Variants in PITRM1 observed in about 807,000 individuals in gnomAD.
The protein encoded by PITRM1 is pitrilysin metallopeptidase 1, also known as presequence protease, mitochondrial.
A neutral mutation model predicts 129.9 loss-of-function variants in PITRM1; 100 were observed. The ratio of observed to expected loss-of-function variants is 0.77; its 90% CI spans 0.65 to 0.91. The LOEUF is 0.91. Among genes scored for constraint, PITRM1 ranks in the 40% least tolerant of loss-of-function variants. The pLI, the probability that PITRM1 is intolerant of heterozygous loss-of-function variation, is 0.00. For synonymous variants in PITRM1, 591 were observed against 508.8 expected, an observed-to-expected ratio of 1.16 and a Z score of -2.17; for missense variants, 1,471 against 1,318.3, an observed-to-expected ratio of 1.12 and a Z score of -1.79.
intron 15 of PITRM1, among the ~76,000 whole-genome samples, chr10:3,150,822 T>G (rs1841447265): frequency 6.6e-6 from 1 of 152,144 alleles, no homozygotes; most frequent in Non-Finnish European, 1.5e-5. Flanking sequence ...GGTCTCCAAC[T>G]TCCTTTCAAC....
chr10:3,168,609 G>A (rs549624176), intron 2 of PITRM1, among the ~76,000 whole-genome samples: 5 of 147,134 alleles, frequency 3.4e-5, no homozygotes, highest in East Asian at 3.9e-4. Flanking sequence ...TGTTATTCTC[G>A]TGACAGTGAG....
At chr10:3,147,322 T>G in intron 19 of PITRM1, 72 bp from the exon 20 acceptor site, 1 of 1,168,490 alleles carries the variant, frequency 8.6e-7, no homozygotes, top group Non-Finnish European at 1.3e-6. Flanking sequence ...ACCAAGCACC[T>G]GTGACATCAG....
In PITRM1 at chr10:3,146,971, C is replaced by T. The variant is rs1840940699; in HGVS notation, c.2336+179G>A. 1.1e-5 allele frequency: 5 copies of T among 438,976 alleles called. 1 individual carries two copies. Among genetic ancestry groups the T allele is most frequent in the African/African-American group, 1.0e-4 (5 of 49,390 alleles). The allele number at this position is 438,976 out of a possible 1,614,324, so 27.2% of individuals were successfully genotyped here. On this transcript the variant is annotated intron_variant, in intron 20 of 26. Coordinates refer to ENST00000224949, the MANE Select transcript of PITRM1 (RefSeq NM_014889.4). ...ATTAGCCTGCTTTCTTCCCCATCTC[C>T]TACAACTTTTAATAGGCTTAAAATA...
chr10:3,165,484 C>G lies in PITRM1; in HGVS notation c.462G>C (p.Lys154Asn). The change falls in exon 5 of 27, where the codon AAG becomes AAC. Residue 154 changes from lysine (K) to asparagine (N), a missense_variant. Transcript: ENST00000224949. The part of the protein sequence containing the change: ...TLYPFSTQNP[K>N]DFQNLLSVYL... ...ACACCGAGAGGAGATTCTGAAAGTC[C>G]TTGGGATTTTGTGTGGAAAATGGAT... 1 of 1,613,278 alleles carries G rather than the reference C, an allele frequency of 6.2e-7. No individual in the cohort carries two copies. The highest frequency in any genetic ancestry group is 8.5e-7 in the Non-Finnish European group (1 of 1,179,536).
rs1434445272 is a variant in PITRM1, at chr10:3,143,467, T to C, written c.2567A>G (p.His856Arg). 25 of 1,613,630 alleles carry C rather than the reference T, an allele frequency of 1.5e-5. No individual in the cohort carries two copies. The highest frequency in any genetic ancestry group is 2.1e-5 in the Non-Finnish European group (25 of 1,179,590). The change falls in exon 23 of 27, where the codon CAC becomes CGC. Residue 856 changes from histidine to arginine, a missense_variant. Transcript: ENST00000224949. ...PTFKPWQMKT[H>R]FLMPFPVNYV... ...ATTCACCGGGAAGGGCATCAGGAAG[T>C]GAGTCTTCATCTGCCAGGGCTTGAA...
chr10:3,167,979 C>A (rs1280296237), intron 2 of PITRM1: 1 of 152,142 alleles, frequency 6.6e-6, no homozygotes, highest in African/African-American at 2.4e-5. Flanking sequence ...TTAGGTAAGC[C>A]TCCTGGTAAG....
intron 23 of PITRM1, among the ~76,000 whole-genome samples, chr10:3,142,614 T>C (rs1840365317): frequency 6.6e-6 from 1 of 152,236 alleles, no homozygotes; most frequent in Non-Finnish European, 1.5e-5. Flanking sequence ...CAGCCAGAGT[T>C]CGGAAGAAGG....
intron 18 of PITRM1, 89 bp downstream of exon 18, chr10:3,147,898 C>T: frequency 1.6e-6 from 2 of 1,218,244 alleles, no homozygotes; most frequent in East Asian, 2.4e-5. Context: ...AACAACAACA[C>T]ACACGAGTAA....
chr10:3,149,838 GT>G (rs1841327031), intron 15 of PITRM1, 85 bp from the exon 16 acceptor site: 1 of 1,419,334 alleles, frequency 7.0e-7, no homozygotes, highest in Admixed American at 1.8e-5. Context: ...GCTATTTATT[GT>G]TTTTTCAAGA....
At chr10:3,142,477 C>T (rs1393371288) in intron 23 of PITRM1, among the ~76,000 whole-genome samples, 6 of 152,230 alleles carry the variant, frequency 3.9e-5, no homozygotes, top group East Asian at 1.9e-4. Context: ...AGTGAATTTC[C>T]GGGATATAAC....
In PITRM1 at chr10:3,165,515, G is replaced by A; in HGVS notation, c.431C>T (p.Thr144Ile). ...FMNAFTASDY[T>I]LYPFSTQNPK... ...ATTTTGTGTGGAAAATGGATACAGA[G>A]TATAATCACTAGCTGGGTACAAATG... The change falls in exon 5 of 27, where the codon ACT becomes ATT. Residue 144 changes from threonine (T) to isoleucine (I), a missense_variant. By Grantham distance (89) the Thr-to-Ile change is moderately conservative. Transcript: ENST00000224949. The A allele has an allele frequency of 6.3e-7, 1 of 1,578,686 alleles. No homozygotes were observed. Among genetic ancestry groups the A allele is most frequent in the African/African-American group, 1.3e-5 (1 of 74,124 alleles).
chr10:3,149,855 G>T (rs898920882), intron 15 of PITRM1, 102 bp from the exon 16 acceptor site: 107 of 1,226,612 alleles, frequency 8.7e-5, no homozygotes, highest in Non-Finnish European at 3.8e-5. Context: ...CAAGAATGGA[G>T]GTTTAAGACT....
chr10:3,172,713 T>G lies in PITRM1; in HGVS notation c.56+4A>C. ...GCCGAGCGCCTCCCGTCGCAGCGTC[T>G]CACCCGCCGCTCAGCCGCCTCAGCA... On this transcript the variant is annotated splice_donor_region_variant and intron_variant, in intron 1 of 26. Transcript: ENST00000224949. 6.5e-7 allele frequency: 1 copy of G among 1,538,244 alleles called. No individual in the cohort carries two copies.
In PITRM1 at chr10:3,138,294, C is replaced by T. The variant is rs1839784752; in HGVS notation, c.2961G>A (p.Gln987=). The change falls in exon 26 of 27, where the codon CAG becomes CAA. Residue 987 remains glutamine (Q), a synonymous_variant. Transcript: ENST00000224949. ...FLYGLSDEMK[Q]AHREQLFAVS... is the part of the protein sequence containing the mutation. ...CAGCAAAGAGCTGCTCTCTGTGGGCCTGCTTCATCTCATCCGAGAGGCCGT... is the reference window on the plus strand; with the variant it reads ...CAGCAAAGAGCTGCTCTCTGTGGGCTTGCTTCATCTCATCCGAGAGGCCGT... 1 of 1,613,900 alleles carries T rather than the reference C, an allele frequency of 6.2e-7. No individual in the cohort carries two copies. The highest frequency in any genetic ancestry group is 8.5e-7 in the Non-Finnish European group (1 of 1,179,820).
At position 3,138,597 on chromosome 10, in the gene PITRM1, C is replaced by T. The variant is rs940947245; in HGVS notation, c.2918-260G>A. The T allele has an allele frequency of 1.8e-4, 106 of 601,482 alleles. 1 individual carries two copies. Among genetic ancestry groups the T allele is most frequent in the African/African-American group, 1.6e-3 (86 of 53,948 alleles). 37.3% of individuals were successfully genotyped at this position (601,482 alleles called of 1,614,324 possible). A position where few individuals can be genotyped will look rare whatever the true frequency, so the allele number is the denominator to read the frequency against. On this transcript the variant is annotated intron_variant, in intron 25 of 26. Transcript: ENST00000224949. The stretch of plus-strand genomic sequence containing the variant: ...AGGCTGATGATGCTGTGAGCAAAAG[C>T]GGCTCCAGAGAGTAACGTGGCCATG...
intron 23 of PITRM1, chr10:3,141,836 G>A (rs560830338): frequency 3.2e-5 from 9 of 281,898 alleles, no homozygotes; most frequent in African/African-American, 1.6e-4. Flanking sequence ...CGACCATCTC[G>A]TGTGGGTCCT....
intron 15 of PITRM1, among the ~76,000 whole-genome samples, chr10:3,150,402 CCACA>C (rs111644662): frequency 6.6e-6 from 1 of 151,576 alleles, no homozygotes; most frequent in Non-Finnish European, 1.5e-5. Flanking sequence ...TCACATGCGC[CCACA>C]CACACACACA....
intron 20 of PITRM1, 91 bp downstream of exon 20, chr10:3,147,059 C>A: frequency 1.5e-6 from 1 of 647,496 alleles, no homozygotes. Flanking sequence ...ACCAAGCACT[C>A]TATCTTGAAG....
In PITRM1 at chr10:3,138,324, G is replaced by A. The variant is rs1588615201; in HGVS notation, c.2931C>T (p.Phe977=). ...VAPSDKGMDH[F]LYGLSDEMKQ... is the part of the protein sequence containing the mutation. ...TCATCTCATCCGAGAGGCCGTACAA[G>A]AAGTGGTCCATTCCTAGAAGACAAT... The change falls in exon 26 of 27, where the codon TTC becomes TTT. Residue 977 remains phenylalanine (F), a synonymous_variant. Transcript: ENST00000224949. 1.2e-6 allele frequency: 2 copies of A among 1,612,784 alleles called. No homozygotes were observed. The highest frequency in any genetic ancestry group is 1.7e-4 in the Middle Eastern group (1 of 6,056).
Sources: allele counts gnomAD v4.1 joint callset (sites outside exome capture counted in the v4.1 genomes callset), GRCh38; gene constraint gnomAD v4.1.1; transcripts MANE v1.5; gene names NCBI Gene and HGNC (gene_info 2026-07-23, HGNC 2026-07-21).